Variants in HELQ observed in about 807,000 individuals in gnomAD.
HELQ encodes the protein helicase POLQ-like.
Under a neutral mutation model 111.6 loss-of-function variants are expected in HELQ, and 77 were observed. The ratio of observed to expected loss-of-function variants is 0.69; its 90% CI spans 0.57 to 0.83. HELQ has a LOEUF of 0.83. Among genes scored for constraint, HELQ ranks in the 40% least tolerant of loss-of-function variants. The pLI, the probability that HELQ is intolerant of heterozygous loss-of-function variation, is 0.00. For synonymous variants in HELQ, 438 were observed against 454.7 expected (o/e 0.96, Z 0.47); for missense variants, 1,200 against 1,288.5 (o/e 0.93, Z 1.05).
At chr4:83,442,260 A>ATTTTTTTTT (rs70949710) in intron 6 of HELQ, among the ~76,000 whole-genome samples, 7 of 82,062 alleles carry the variant, frequency 8.5e-5, no homozygotes, top group Non-Finnish European at 1.1e-4. Context: ...AAAAACATCA[A>ATTTTTTTTT]TTTTTTTTTT....
intron 15 of HELQ, among the ~76,000 whole-genome samples, chr4:83,418,679 T>C (rs1739490418): frequency 6.6e-6 from 1 of 152,206 alleles, no homozygotes; most frequent in Non-Finnish European, 1.5e-5. Flanking sequence ...TTCAATATAA[T>C]ATTTTGTCAT....
intron 13 of HELQ, among the ~76,000 whole-genome samples, chr4:83,426,648 C>T (rs576497904): frequency 6.6e-6 from 1 of 151,870 alleles, no homozygotes; most frequent in African/African-American, 2.4e-5. Context: ...ACTGCAACCT[C>T]CGCCTCCTGG....
At position 83,439,991 on chromosome 4, in the gene HELQ, T is replaced by C. The variant is rs767081874; in HGVS notation, c.1680A>G (p.Lys560=). 58 of 1,611,162 alleles carry C rather than the reference T, an allele frequency of 3.6e-5. No homozygotes were observed. Among genetic ancestry groups the C allele is most frequent in the Non-Finnish European group, 4.8e-5 (57 of 1,178,946 alleles). The change falls in exon 8 of 18, where the codon AAA becomes AAG. Residue 560 remains lysine (K), a synonymous_variant. Coordinates refer to ENST00000295488, the MANE Select transcript of HELQ (RefSeq NM_133636.5). ...CTACCAAGTGATCAGGATCCATCTT[T>C]TTTAGGGTATCAGAATACTGCAAAA... The part of the protein sequence containing the change: ...LLNYKYSDTL[K]KMDPDHLVAL...
Position 83,453,746 on chromosome 4 carries a change from G to A in HELQ, c.497C>T (p.Thr166Ile), listed in dbSNP as rs149482794. ...KLSITTIGNLTELQTDKHTEN... is the reference protein window; with the variant it reads ...KLSITTIGNLIELQTDKHTEN... ...TGTGTGCTTATCAGTTTGTAATTCA[G>A]TAAGGTTGCCTATGGTAGTAATGCT... The change falls in exon 2 of 18, where the codon ACT becomes ATT. Residue 166 changes from threonine to isoleucine, a missense_variant. Around this residue, in one of 3 missense-constraint regions of HELQ, gnomAD observed 610 missense variants for 607.1 expected, o/e 1.00. Transcript: ENST00000295488. 16 of 1,614,052 alleles carry A rather than the reference G, an allele frequency of 9.9e-6. No individual in the cohort carries two copies. Among genetic ancestry groups the A allele is most frequent in the Non-Finnish European group, 1.4e-5 (16 of 1,180,026 alleles).
In HELQ at chr4:83,446,777, GAAT is replaced by G. The variant is rs558531201; in HGVS notation, c.1392+55_1392+57del. The G allele has an allele frequency of 2.0e-4, 212 of 1,054,704 alleles. No individual in the cohort carries two copies. The African/African-American group carries it at 2.9e-3, about 15-fold the overall frequency. 65.3% of individuals were successfully genotyped at this position (1,054,704 alleles called of 1,614,324 possible). A position where few individuals can be genotyped will look rare whatever the true frequency, so the allele number is the denominator to read the frequency against. On this transcript the variant is annotated intron_variant, in intron 4 of 17. Coordinates refer to ENST00000295488, the MANE Select transcript of HELQ (RefSeq NM_133636.5). ...ACTAAGTAGATCCACACAATAACCA[GAAT>G]AATAAATATTTAGTATAATAAAAAT...
intron 6 of HELQ, among the ~76,000 whole-genome samples, chr4:83,443,162 T>C (rs1343944551): frequency 6.6e-6 from 1 of 152,096 alleles, no homozygotes; most frequent in Non-Finnish European, 1.5e-5. Flanking sequence ...TATTTTTTAA[T>C]GTGCCAATAA....
rs893369812 is a variant in HELQ, at chr4:83,441,367, T to G, written c.1600A>C (p.Ile534Leu). ...TCAGCTTTGCTGTCAACTTCATATATTGTATCATTTATTTTCAGATATTCT... is the reference window on the plus strand; with the variant it reads ...TCAGCTTTGCTGTCAACTTCATATAGTGTATCATTTATTTTCAGATATTCT... ...LKEYLKINDTIYEVDSKAENG... is the reference protein window; with the variant it reads ...LKEYLKINDTLYEVDSKAENG... Residue 534 changes from isoleucine (I) to leucine (L), a missense_variant, in exon 7 of 18, where the codon ATA becomes CTA. Ile to Leu is a conservative substitution (Grantham distance 5). Around this residue, in one of 3 missense-constraint regions of HELQ, gnomAD observed 585 missense variants for 665.3 expected, o/e 0.88. Coordinates refer to ENST00000295488, the MANE Select transcript of HELQ (RefSeq NM_133636.5). The G allele has an allele frequency of 1.3e-6, 2 of 1,584,274 alleles. No individual in the cohort carries two copies. The highest frequency in any genetic ancestry group is 1.4e-5 in the African/African-American group (1 of 73,888).
intron 16 of HELQ, among the ~76,000 whole-genome samples, chr4:83,417,866 GT>G (rs373297968): frequency 6.8e-6 from 1 of 148,136 alleles, no homozygotes; most frequent in Admixed American, 6.8e-5. Context: ...TTCCTGTTAT[GT>G]TTTTTTTTTC....
At chr4:83,409,221 C>A (rs1279144548) in intron 17 of HELQ, among the ~76,000 whole-genome samples, 1 of 152,092 alleles carries the variant, frequency 6.6e-6, no homozygotes, top group Non-Finnish European at 1.5e-5. Flanking sequence ...TATGCAGAGG[C>A]ACAAGCAGTT....
intron 9 of HELQ, among the ~76,000 whole-genome samples, chr4:83,433,844 T>G (rs1287065469): frequency 6.8e-6 from 1 of 147,728 alleles, no homozygotes; most frequent in African/African-American, 2.5e-5. Context: ...TAAAAAACAT[T>G]GTGTTGTGTG....
intron 11 of HELQ, 65 bp from the exon 12 acceptor site, chr4:83,429,811 T>C (rs1213516820): frequency 2.1e-6 from 2 of 944,240 alleles, no homozygotes; most frequent in African/African-American, 1.7e-5. Flanking sequence ...TGAATGCATA[T>C]TAATCAAGAT....
Position 83,448,875 on chromosome 4 carries a change from G to C in HELQ, c.1099C>G (p.Leu367Val). 6.2e-7 allele frequency: 1 copy of C among 1,613,462 alleles called. No individual in the cohort carries two copies. Among genetic ancestry groups the C allele is most frequent in the Non-Finnish European group, 8.5e-7 (1 of 1,179,618 alleles). ...TGCAGCATTAAAATCTCAGCCACGAGGGTTTTTCCACCACTTGTTGGCAAG... is the reference window on the plus strand; with the variant it reads ...TGCAGCATTAAAATCTCAGCCACGACGGTTTTTCCACCACTTGTTGGCAAG... ...YSLPTSGGKT[L>V]VAEILMLQEL... Residue 367 changes from leucine (L) to valine (V), a missense_variant, in exon 3 of 18, where the codon CTC (leucine) becomes GTC (valine). Leu to Val is a conservative substitution (Grantham distance 32). This residue lies in a region of HELQ where 610 missense variants were observed against 607.1 expected (regional missense o/e 1.00). Coordinates refer to ENST00000295488, the MANE Select transcript of HELQ (RefSeq NM_133636.5).
intron 10 of HELQ, 32 bp downstream of exon 10, chr4:83,432,093 CA>C: frequency 2.0e-6 from 3 of 1,508,822 alleles, no homozygotes; most frequent in Non-Finnish European, 2.7e-6. Flanking sequence ...AAGAAAAAGA[CA>C]AAAACAACCA....
intron 8 of HELQ, 77 bp downstream of exon 8, chr4:83,439,786 T>G: frequency 1.0e-6 from 1 of 974,980 alleles, no homozygotes; most frequent in Non-Finnish European, 1.6e-6. Flanking sequence ...ATAATTAGTG[T>G]TTGCCCAATA....
At chr4:83,429,900 T>C (rs545088806) in intron 11 of HELQ, among the ~76,000 whole-genome samples, 154 bp from the exon 12 acceptor site, 110 of 152,270 alleles carry the variant, frequency 7.2e-4, no homozygotes, top group African/African-American at 2.5e-3. Context: ...AAATTTATAA[T>C]GGCAATTAAA....
At chr4:83,426,470 A>C (rs1032950401) in intron 13 of HELQ, among the ~76,000 whole-genome samples, 1 of 152,104 alleles carries the variant, frequency 6.6e-6, no homozygotes, top group Non-Finnish European at 1.5e-5. Flanking sequence ...AGAAAAAAAA[A>C]CAGTAATGAT....
intron 11 of HELQ, among the ~76,000 whole-genome samples, chr4:83,430,274 TA>T (rs141214516): frequency 2.5e-4 from 31 of 122,168 alleles, no homozygotes; most frequent in Non-Finnish European, 4.1e-4. Flanking sequence ...TAAAGTATAA[TA>T]AAAAAAAAAC....
chr4:83,437,007 C>T lies in HELQ; in HGVS notation c.1899G>A (p.Lys633=). Reference sequence around the variant, plus strand: ...AGGCAACTCCAAATGGGATAGTGCGCTTTAAAACAGGACACAGGTTGCCAT... The same window carrying T: ...AGGCAACTCCAAATGGGATAGTGCGTTTTAAAACAGGACACAGGTTGCCAT... ...IGNGNLCPVL[K]RTIPFGVAYH... Residue 633 remains lysine (K), a synonymous_variant, in exon 9 of 18, where the codon AAG becomes AAA. Coordinates refer to ENST00000295488, the MANE Select transcript of HELQ (RefSeq NM_133636.5). 2 of 1,614,124 alleles carry T rather than the reference C, an allele frequency of 1.2e-6. No homozygotes were observed. The highest frequency in any genetic ancestry group is 1.7e-6 in the Non-Finnish European group (2 of 1,179,986).
intron 1 of HELQ, chr4:83,455,145 A>C: frequency 3.6e-6 from 2 of 558,014 alleles, no homozygotes; most frequent in Non-Finnish European, 6.1e-6. Flanking sequence ...TAGGAGCTGC[A>C]GTTATCTGGA....
Sources: allele counts gnomAD v4.1 joint callset (sites outside exome capture counted in the v4.1 genomes callset), GRCh38; gene constraint gnomAD v4.1.1; regional missense constraint gnomAD v4.1.1; transcripts MANE v1.5; gene names NCBI Gene and HGNC (gene_info 2026-07-23, HGNC 2026-07-21).